Variants in PPP1CC observed in about 807,000 individuals in gnomAD.
PPP1CC encodes the protein protein phosphatase 1 catalytic subunit gamma.
In PPP1CC, 16 loss-of-function variants were observed where a neutral mutation model predicts 38.4. The ratio of observed to expected loss-of-function variants is 0.42; its 90% CI spans 0.28 to 0.63. The LOEUF (loss-of-function observed/expected upper bound fraction) is 0.63. PPP1CC is among the 30% of genes least tolerant of loss of function. The probability of loss-of-function intolerance (pLI) is 0.25; values close to 1 mark genes in which losing one functional copy is unlikely to be tolerated. For synonymous variants in PPP1CC, 158 were observed against 136.0 expected, an observed-to-expected ratio of 1.16 and a Z score of -1.13; for missense variants, 170 against 391.3, an observed-to-expected ratio of 0.43 and a Z score of 4.77.
At chr12:110,741,238 TAAGAA>T (rs886398571) in intron 1 of PPP1CC, among the ~76,000 whole-genome samples, 5 of 152,112 alleles carry the variant, frequency 3.3e-5, no homozygotes, top group Non-Finnish European at 5.9e-5. Context: ...ATGCACAGAT[TAAGAA>T]AAGGACGAGA....
downstream of PPP1CC, among the ~76,000 whole-genome samples, chr12:110,714,805 C>CAAAAAA (rs1164975036): frequency 4.5e-4 from 10 of 22,062 alleles, no homozygotes; most frequent in Admixed American, 6.6e-4. Context: ...GACTCTGTCT[C>CAAAAAA]AAAAAAAAAA....
In PPP1CC at chr12:110,720,262, CTTTT is replaced by C; in HGVS notation, c.*810_*813del. 7.1e-7 allele frequency: 1 copy of C among 1,401,876 alleles called. No individual in the cohort carries two copies. Among genetic ancestry groups the C allele is most frequent in the Non-Finnish European group, 9.7e-7 (1 of 1,027,994 alleles). 86.8% of individuals were successfully genotyped at this position (1,401,876 alleles called of 1,614,324 possible). On this transcript the variant is annotated 3_prime_UTR_variant, in exon 7 of 7. Coordinates refer to ENST00000335007, the MANE Select transcript of PPP1CC (RefSeq NM_002710.4). ...TGGAAATTGTATAAAATGTTATTAC[CTTTT>C]ATCGTTAGTAGCTTAAACAGCACTA... is the stretch of plus-strand genomic sequence containing the variant.
At position 110,720,301 on chromosome 12, in the gene PPP1CC, T is replaced by C. The variant is rs965458826; in HGVS notation, c.*775A>G. ...AGCTTAAACAGCACTATATCACTAA[T>C]TGCTATTCAAAATCAAAAACCTGTT... On this transcript the variant is annotated 3_prime_UTR_variant, in exon 7 of 7. Coordinates refer to ENST00000335007, the MANE Select transcript of PPP1CC (RefSeq NM_002710.4). 4.7e-6 allele frequency: 5 copies of C among 1,073,436 alleles called. No homozygotes were observed. Among genetic ancestry groups the C allele is most frequent in the African/African-American group, 3.2e-5 (2 of 62,644 alleles). The allele number at this position is 1,073,436 out of a possible 1,614,324, so 66.5% of individuals were successfully genotyped here. A position where few individuals can be genotyped will look rare whatever the true frequency, so the allele number is the denominator to read the frequency against.
chr12:110,712,301 A>G, the PPP1CC span, among the ~76,000 whole-genome samples: 2 of 151,934 alleles, frequency 1.3e-5, no homozygotes, highest in Admixed American at 1.3e-4. Flanking sequence ...ATATAAAATA[A>G]CATATAAAAT....
chr12:110,721,540 T>C (rs576799535), intron 6 of PPP1CC: 73 of 174,402 alleles, frequency 4.2e-4, no homozygotes, highest in African/African-American at 1.7e-3. Context: ...CTGCAAGTTC[T>C]CTCTGATAAT....
rs750575860 is a variant in PPP1CC, at chr12:110,721,042, TAC to T, written c.*32_*33del. On this transcript the variant is annotated 3_prime_UTR_variant, in exon 7 of 7. Coordinates refer to ENST00000335007, the MANE Select transcript of PPP1CC (RefSeq NM_002710.4). ...AAAATGAAGGTTATATACTCTATGT[TAC>T]AAGTCCCGACTAGGCAGTGTCAAAA... 6 of 1,581,502 alleles carry T rather than the reference TAC, an allele frequency of 3.8e-6. No homozygotes were observed. Among genetic ancestry groups the T allele is most frequent in the Non-Finnish European group, 3.5e-6 (4 of 1,150,602 alleles).
Position 110,722,437 on chromosome 12 carries a change from C to T in PPP1CC, c.747+35G>A. 6.3e-7 allele frequency: 1 copy of T among 1,593,994 alleles called. No homozygotes were observed. The highest frequency in any genetic ancestry group is 8.6e-7 in the Non-Finnish European group (1 of 1,161,760). On this transcript the variant is annotated intron_variant, in intron 5 of 6. Transcript: ENST00000335007. This position sits in a 1 kb window ranked among gnomAD's most constrained non-coding sequence, Gnocchi z 5.4. ...AGGAGAATCTGTGCTCACACACATG[C>T]TCTTAAGTGTACATGTAAAATTCAA...
intron 3 of PPP1CC, among the ~76,000 whole-genome samples, chr12:110,728,408 A>AAAAAAAC (rs1200783964): frequency 1.3e-5 from 2 of 148,446 alleles, no homozygotes; most frequent in African/African-American, 5.1e-5. Flanking sequence ...AAAAAAAAAA[A>AAAAAAAC]AAAAAACAAA....
At chr12:110,735,494 G>A (rs1012495009) in intron 1 of PPP1CC, among the ~76,000 whole-genome samples, 1 of 152,132 alleles carries the variant, frequency 6.6e-6, no homozygotes, top group African/African-American at 2.4e-5. Context: ...CAAAACCAAA[G>A]GAGAAGGTTG....
At chr12:110,725,316 A>C (rs1241200922) in intron 3 of PPP1CC, 1 of 152,262 alleles carries the variant, frequency 6.6e-6, no homozygotes, top group Non-Finnish European at 1.5e-5. Flanking sequence ...ACGAACTTAC[A>C]CATGTGGCGT....
intron 1 of PPP1CC, among the ~76,000 whole-genome samples, chr12:110,738,962 T>A (rs1277982873): frequency 6.6e-6 from 1 of 152,136 alleles, no homozygotes; most frequent in Admixed American, 6.5e-5. Flanking sequence ...TCAGAGTTCT[T>A]ATCAATGAGG....
chr12:110,709,299 G>A, the PPP1CC span, among the ~76,000 whole-genome samples: 7 of 151,528 alleles, frequency 4.6e-5, no homozygotes, highest in East Asian at 1.9e-4. Context: ...TCGCGATCCC[G>A]GCTGACTACA....
At chr12:110,737,185 A>G (rs1028558612) in intron 1 of PPP1CC, among the ~76,000 whole-genome samples, 1 of 152,228 alleles carries the variant, frequency 6.6e-6, no homozygotes, top group African/African-American at 2.4e-5. Flanking sequence ...AATGTTATCA[A>G]GAATCCTTTG....
Position 110,731,891 on chromosome 12 carries a change from G to A in PPP1CC, c.66C>T (p.Ser22=), listed in dbSNP as rs1485319356. The change falls in exon 2 of 7, where the codon TCC becomes TCT. Residue 22 remains serine, a synonymous_variant. Coordinates refer to ENST00000335007, the MANE Select transcript of PPP1CC (RefSeq NM_002710.4). ...GAAGCTGGACATTCTTACCAGGCTT[G>A]GACCCTCTCACTGCAAGAGAAAAAT... ...IIQRLLEVRG[S]KPGKNVQLQE... 1.9e-6 allele frequency: 3 copies of A among 1,612,802 alleles called. No individual in the cohort carries two copies. Among genetic ancestry groups the A allele is most frequent in the African/African-American group, 2.7e-5 (2 of 74,852 alleles).
At chr12:110,741,193 TTG>T (rs898557679) in intron 1 of PPP1CC, among the ~76,000 whole-genome samples, 11 of 145,058 alleles carry the variant, frequency 7.6e-5, no homozygotes, top group African/African-American at 1.9e-4. Flanking sequence ...GTTTTTTTTG[TTG>T]TTTTTTTTTT....
chr12:110,728,192 G>A (rs2069825006), intron 3 of PPP1CC, among the ~76,000 whole-genome samples: 1 of 151,660 alleles, frequency 6.6e-6, no homozygotes, highest in African/African-American at 2.4e-5. Flanking sequence ...GAGGTCAGGA[G>A]ATCGAGACCA....
the PPP1CC span, among the ~76,000 whole-genome samples, chr12:110,712,828 T>G: frequency 1.1e-4 from 16 of 151,688 alleles, no homozygotes; most frequent in East Asian, 3.1e-3. Flanking sequence ...TCCCAGCACT[T>G]TGTGAGGGCA....
the PPP1CC span, among the ~76,000 whole-genome samples, chr12:110,708,852 A>G: frequency 6.9e-6 from 1 of 145,092 alleles, no homozygotes; most frequent in East Asian, 1.9e-4. Flanking sequence ...GTCCATCTCA[A>G]AAAAAAAAAA....
chr12:110,732,824 G>A (rs2069894194), intron 1 of PPP1CC: 2 of 152,218 alleles, frequency 1.3e-5, no homozygotes, highest in South Asian at 4.1e-4. Context: ...CAGCACGTAG[G>A]TAGTTGTGGG....
Sources: gnomAD v4.1 joint callset for allele counts (sites outside exome capture counted in the v4.1 genomes callset) on GRCh38, gnomAD v4.1.1 for gene constraint, Gnocchi (gnomAD v3.1) non-coding constraint, MANE v1.5 for transcripts, NCBI Gene and HGNC (gene_info 2026-07-23, HGNC 2026-07-21) for gene names.